KNTC1: variants seen among roughly 807,000 people sequenced by gnomAD.
The protein encoded by KNTC1 is kinetochore-associated protein 1.
KNTC1 carries 253 observed loss-of-function variants against 314.4 expected under a neutral mutation model. The observed-to-expected ratio is 0.80, with a 90% CI of 0.73 to 0.89. KNTC1 has a LOEUF of 0.89. KNTC1 is among the 40% of genes least tolerant of loss of function. KNTC1 has a pLI of 0.00. For synonymous variants in KNTC1, 901 were observed against 901.4 expected (o/e 1.00, Z 0.01); for missense variants, 2,475 against 2,572.9 (o/e 0.96, Z 0.82).
chr12:122,585,881 T>C (rs983380208), intron 37 of KNTC1, 107 bp downstream of exon 37: 75 of 992,632 alleles, frequency 7.6e-5, no homozygotes, highest in Non-Finnish European at 1.0e-4. Flanking sequence ...GCGAACCTTA[T>C]AAGCGTAATG....
rs1875044558 is a variant in KNTC1, at chr12:122,626,291, T to G, written c.*63T>G. ...GGAGTCTGCTATTAATGGACCATAT[T>G]TATTACAGTTTTTAAATTGTACAAT... On this transcript the variant is annotated 3_prime_UTR_variant, in exon 64 of 64. Transcript: ENST00000333479. 2 of 1,093,682 alleles carry G rather than the reference T, an allele frequency of 1.8e-6. No individual in the cohort carries two copies. Among genetic ancestry groups the G allele is most frequent in the Non-Finnish European group, 2.8e-6 (2 of 726,648 alleles). 67.7% of individuals were successfully genotyped at this position (1,093,682 alleles called of 1,614,324 possible).
intron 42 of KNTC1, among the ~76,000 whole-genome samples, chr12:122,592,488 T>C (rs1301009223): frequency 6.6e-6 from 1 of 152,106 alleles, no homozygotes; most frequent in Non-Finnish European, 1.5e-5. Context: ...GCTGGGCTCA[T>C]GAGTCTGGTG....
intron 54 of KNTC1, 125 bp downstream of exon 54, chr12:122,613,355 C>T (rs1159338006): frequency 2.8e-6 from 2 of 706,132 alleles, no homozygotes; most frequent in African/African-American, 1.8e-5. Flanking sequence ...TTCTGTTGCC[C>T]TGAATATCCT....
intron 20 of KNTC1, among the ~76,000 whole-genome samples, chr12:122,567,638 A>C (rs569631970): frequency 1.3e-5 from 2 of 152,138 alleles, no homozygotes; most frequent in South Asian, 4.2e-4. Flanking sequence ...CAGGGGTTTG[A>C]GACCATCTAG....
chr12:122,543,744 A>T, intron 7 of KNTC1, 110 bp downstream of exon 7: 1 of 646,192 alleles, frequency 1.5e-6, no homozygotes, highest in Non-Finnish European at 2.6e-6. Flanking sequence ...AGAAATTATT[A>T]TGATATAACA....
intron 43 of KNTC1, among the ~76,000 whole-genome samples, chr12:122,595,569 G>A (rs1870920445): frequency 6.6e-6 from 1 of 152,110 alleles, no homozygotes; most frequent in Non-Finnish European, 1.5e-5. Flanking sequence ...TGGATAGTGG[G>A]GAAAGACCGT....
chr12:122,588,602 A>G, intron 39 of KNTC1, 110 bp from the exon 40 acceptor site: 1 of 814,280 alleles, frequency 1.2e-6, no homozygotes, highest in Middle Eastern at 3.9e-4. Flanking sequence ...AAATTCTGAT[A>G]CTTTTTGGAT....
At chr12:122,578,313 C>T (rs1965166064) in intron 31 of KNTC1, among the ~76,000 whole-genome samples, 1 of 151,864 alleles carries the variant, frequency 6.6e-6, no homozygotes, top group Non-Finnish European at 1.5e-5. Flanking sequence ...TGGTATGTTG[C>T]CCAGGCTGGT....
chr12:122,539,518 A>G (rs1329429060), intron 4 of KNTC1, among the ~76,000 whole-genome samples, 158 bp from the exon 5 acceptor site: 1 of 152,182 alleles, frequency 6.6e-6, no homozygotes, highest in African/African-American at 2.4e-5. Context: ...TATTTAGTAC[A>G]CTTGTCCAAA....
At chr12:122,601,784 AAAG>A in intron 45 of KNTC1, 159 bp downstream of exon 45, 2 of 770,598 alleles carry the variant, frequency 2.6e-6, no homozygotes, top group Non-Finnish European at 3.6e-6. Context: ...ATCTTTAAAA[AAAG>A]AAAAAGATTT....
chr12:122,548,839 G>A (rs1962981537), intron 12 of KNTC1, among the ~76,000 whole-genome samples: 1 of 152,020 alleles, frequency 6.6e-6, no homozygotes, highest in South Asian at 2.1e-4. Context: ...TTGGTGGCGT[G>A]CACCTGTAAT....
In KNTC1 at chr12:122,622,526, A is replaced by C. The variant is rs771666485; in HGVS notation, c.6434A>C (p.Lys2145Thr). The C allele has an allele frequency of 1.9e-6, 3 of 1,578,996 alleles. No individual in the cohort carries two copies. Among genetic ancestry groups the C allele is most frequent in the South Asian group, 2.3e-5 (2 of 86,498 alleles). ...GAGTTTGGGATTTTGGCAAAGACCA[A>C]ATACTTTCAAATGTTGAAGATGCAT... ...KKEFGILAKTKYFQMLKMHAM... is the reference protein window; with the variant it reads ...KKEFGILAKTTYFQMLKMHAM... Residue 2145 changes from lysine to threonine, a missense_variant, in exon 62 of 64, where the codon AAA becomes ACA. By Grantham distance (78) the Lys-to-Thr change is moderately conservative (BLOSUM62 -1). Transcript: ENST00000333479.
chr12:122,565,612 C>T (rs1392450575), intron 20 of KNTC1, among the ~76,000 whole-genome samples: 2 of 151,808 alleles, frequency 1.3e-5, no homozygotes, highest in East Asian at 1.9e-4. Context: ...CTTGGCCGGG[C>T]ACAGTGGTTT....
chr12:122,533,931 T>C (rs1961583166), intron 2 of KNTC1, among the ~76,000 whole-genome samples: 1 of 150,564 alleles, frequency 6.6e-6, no homozygotes, highest in Non-Finnish European at 1.5e-5. Context: ...TTGTAGGTAT[T>C]ATTATTGTTA....
chr12:122,544,988 G>A (rs1049416383), intron 8 of KNTC1, among the ~76,000 whole-genome samples: 3 of 152,058 alleles, frequency 2.0e-5, no homozygotes, highest in African/African-American at 7.2e-5. Flanking sequence ...TTAGTGAAAT[G>A]GGAACGTGGA....
chr12:122,556,537 G>A lies in KNTC1; in HGVS notation c.1273-847G>A, dbSNP rs541854835. 7.9e-5 allele frequency among the ~76,000 whole-genome samples: 11 copies of A among 138,372 alleles called. No homozygotes were observed. The South Asian group carries it at 1.8e-3, about 23-fold the overall frequency. 90.8% of individuals were successfully genotyped at this position (138,372 alleles called of 152,430 possible). A position where few individuals can be genotyped will look rare whatever the true frequency, so the allele number is the denominator to read the frequency against. ...GTCTTTCTCTGTTGTGCAGTGGCAC[G>A]ATCTCTGCTCACTGCAAGCTCCGCC... On this transcript the variant is annotated intron_variant, in intron 16 of 63. Transcript: ENST00000333479.
At chr12:122,578,486 G>C (rs1243643910) in intron 31 of KNTC1, among the ~76,000 whole-genome samples, 3 of 152,048 alleles carry the variant, frequency 2.0e-5, no homozygotes, top group Admixed American at 2.0e-4. Context: ...ACAGTGGCGC[G>C]ATCTTAACTC....
At chr12:122,609,171 A>G (rs1335233726) in intron 51 of KNTC1, 4 of 537,770 alleles carry the variant, frequency 7.4e-6, no homozygotes, top group African/African-American at 2.0e-5. Flanking sequence ...TGTCTATCAT[A>G]TAGTAAGTGC....
chr12:122,551,588 G>A, intron 15 of KNTC1, 33 bp from the exon 16 acceptor site: 8 of 1,605,356 alleles, frequency 5.0e-6, no homozygotes, highest in Middle Eastern at 1.7e-4. Context: ...TGAATAATAA[G>A]CATTTAACAA....
Sources: gnomAD v4.1 joint callset for allele counts (sites outside exome capture counted in the v4.1 genomes callset) on GRCh38, gnomAD v4.1.1 for gene constraint, MANE v1.5 for transcripts, NCBI Gene and HGNC (gene_info 2026-07-23, HGNC 2026-07-21) for gene names.